The following ENSA variants were observed in gnomAD, a reference collection of about 807,000 sequenced individuals.
ENSA encodes endosulfine alpha, also known as alpha-endosulfine.
ENSA carries 7 observed loss-of-function variants against 16.8 expected under a neutral mutation model. The observed-to-expected ratio is 0.42, with a 90% CI of 0.24 to 0.78. The LOEUF is 0.78. Ranked by LOEUF, ENSA falls within the 30% of genes least tolerant of loss-of-function variation. The pLI is 0.29. For synonymous variants in ENSA, 58 were observed against 53.4 expected (o/e 1.09, Z -0.37); for missense variants, 87 against 142.3 (o/e 0.61, Z 1.98).
At chr1:150,622,099 T>C (rs1301862725), downstream of ENSA, 1 of 152,188 alleles carries the variant, frequency 6.6e-6, no homozygotes, top group African/African-American at 2.4e-5. Context: ...CAAACCCCAA[T>C]AAAACACACC....
chr1:150,624,085 A>G (rs1649144361), intron 3 of ENSA: 8 of 985,444 alleles, frequency 8.1e-6, no homozygotes, highest in Non-Finnish European at 9.6e-6. Context: ...CCTCTCTGTC[A>G]TAACTAGCAA....
intron 2 of ENSA, chr1:150,626,565 A>T (rs1263822716): frequency 2.0e-5 from 31 of 1,574,402 alleles, no homozygotes; most frequent in Admixed American, 6.8e-5. Flanking sequence ...AAATAAAAAA[A>T]TTTTTTTTTG....
Position 150,622,485 on chromosome 1 carries a change from A to C in ENSA, c.*359T>G. On this transcript the variant is annotated 3_prime_UTR_variant, in exon 4 of 4. Transcript: ENST00000369014. ...CCCTCATACCTACCCCACATCAGCC[A>C]CGTGGTTAAGAAGGATAGTCAGGAA... 3.8e-6 allele frequency: 1 copy of C among 263,260 alleles called. No individual in the cohort carries two copies. Among genetic ancestry groups the C allele is most frequent in the Non-Finnish European group, 7.1e-6 (1 of 140,916 alleles). 16.3% of individuals were successfully genotyped at this position (263,260 alleles called of 1,614,324 possible).
rs766798626 is a variant in ENSA, at chr1:150,629,611, G to A, written c.-141C>T. The stretch of plus-strand genomic sequence containing the variant: ...TCAGTCAAAATGGCGGCCCTTGCCC[G>A]TGACGTTGCGACCGCCCCTTCCTAT... On this transcript the variant is annotated 5_prime_UTR_variant, in exon 1 of 4. In the 5' UTR this introduces an upstream ATG that the reference lacks. Transcript: ENST00000369014. 2.0e-6 allele frequency: 2 copies of A among 1,019,034 alleles called. No homozygotes were observed. Among genetic ancestry groups the A allele is most frequent in the Non-Finnish European group, 2.9e-6 (2 of 698,180 alleles). 63.1% of individuals were successfully genotyped at this position (1,019,034 alleles called of 1,614,324 possible). A position where few individuals can be genotyped will look rare whatever the true frequency, so the allele number is the denominator to read the frequency against.
chr1:150,629,192 G>A (rs369514379), intron 1 of ENSA: 1 of 1,605,194 alleles, frequency 6.2e-7, no homozygotes, highest in South Asian at 1.1e-5. Flanking sequence ...TTGAGCGGTA[G>A]GCCTATTGGC....
At chr1:150,625,120 A>G in intron 3 of ENSA, 1 of 985,512 alleles carries the variant, frequency 1.0e-6, no homozygotes, top group Non-Finnish European at 1.2e-6. Context: ...AGTTTTAGGC[A>G]AGCAAGTCAA....
At chr1:150,626,710 C>G (rs960328751) in intron 2 of ENSA, among the ~76,000 whole-genome samples, 5 of 152,200 alleles carry the variant, frequency 3.3e-5, no homozygotes, top group Non-Finnish European at 7.3e-5. Flanking sequence ...GCGCCCGCCA[C>G]CACACCCGGC....
intron 2 of ENSA, chr1:150,627,132 C>T: frequency 7.0e-7 from 1 of 1,437,526 alleles, no homozygotes; most frequent in Non-Finnish European, 9.1e-7. Context: ...ATCTCTAATG[C>T]TTAAAAAGTG....
intron 3 of ENSA, chr1:150,623,829 T>C (rs1353215622): frequency 2.0e-6 from 2 of 985,298 alleles, no homozygotes; most frequent in African/African-American, 3.5e-5. Context: ...GACCAGGGAG[T>C]CCAGGGATCC....
intron 2 of ENSA, chr1:150,627,016 G>A: frequency 1.8e-6 from 2 of 1,122,854 alleles, no homozygotes; most frequent in South Asian, 2.8e-5. Context: ...TTAATGGCTG[G>A]TGCTCACTTC....
At chr1:150,628,426 C>T (rs1484899513) in intron 1 of ENSA, among the ~76,000 whole-genome samples, 1 of 151,496 alleles carries the variant, frequency 6.6e-6, no homozygotes, top group Non-Finnish European at 1.5e-5. Flanking sequence ...CTAGTATTTA[C>T]CCACCAGTTT....
At chr1:150,626,486 T>A (rs1392386863) in intron 2 of ENSA, 1 of 1,613,226 alleles carries the variant, frequency 6.2e-7, no homozygotes, top group South Asian at 1.1e-5. Flanking sequence ...CACCATTTCA[T>A]CCGCACAGAG....
rs745693911 is a variant in ENSA, at chr1:150,625,632, C to T, written c.350+10G>A. On this transcript the variant is annotated intron_variant, in intron 3 of 3. Transcript: ENST00000369014. ...GTTGAGGAAGGGGAGGAGAGGGGGGCTCAGGTTACCCCGCAAGCTTGCTGG... is the reference window on the plus strand; with the variant it reads ...GTTGAGGAAGGGGAGGAGAGGGGGGTTCAGGTTACCCCGCAAGCTTGCTGG... 15 of 1,587,806 alleles carry T rather than the reference C, an allele frequency of 9.4e-6. No individual in the cohort carries two copies. The highest frequency in any genetic ancestry group is 7.0e-5 in the Admixed American group (4 of 56,782).
At position 150,629,399 on chromosome 1, in the gene ENSA, C is replaced by A. The variant is rs753096741; in HGVS notation, c.57+15G>T. 7.9e-5 allele frequency: 127 copies of A among 1,611,810 alleles called. No individual in the cohort carries two copies. The highest frequency in any genetic ancestry group is 1.7e-4 in the Middle Eastern group (1 of 6,048). ...GGTCTCCCCAGCTCGCCCGCCCGCA[C>A]CCCTTCCACTTCACCTGCTTCTCCT... On this transcript the variant is annotated intron_variant, in intron 1 of 3. Transcript: ENST00000369014.
At chr1:150,626,877 C>T (rs1418402530) in intron 2 of ENSA, among the ~76,000 whole-genome samples, 3 of 152,134 alleles carry the variant, frequency 2.0e-5, no homozygotes, top group Non-Finnish European at 2.9e-5. Flanking sequence ...AATATAATCC[C>T]TCAGTCAGCT....
intron 3 of ENSA, among the ~76,000 whole-genome samples, chr1:150,623,060 C>T (rs1423720759): frequency 6.6e-6 from 1 of 152,142 alleles, no homozygotes; most frequent in East Asian, 1.9e-4. Flanking sequence ...TTCCTATCCA[C>T]GAAACAACGT....
Position 150,622,805 on chromosome 1 carries a change from G to C in ENSA, c.*39C>G, listed in dbSNP as rs780752300. On this transcript the variant is annotated 3_prime_UTR_variant, in exon 4 of 4. Coordinates refer to ENST00000369014, the MANE Select transcript of ENSA (RefSeq NM_004436.4). ...GCACAGGACCCGGGTGGGGCAGGGA[G>C]GGGAAGCGTCTCAGGATCTGGCAGA... 5.1e-6 allele frequency: 8 copies of C among 1,560,264 alleles called. No individual in the cohort carries two copies. The highest frequency in any genetic ancestry group is 6.9e-6 in the Non-Finnish European group (8 of 1,152,392).
In ENSA at chr1:150,629,542, G is replaced by A; in HGVS notation, c.-72C>T. 1.3e-6 allele frequency: 2 copies of A among 1,562,618 alleles called. No homozygotes were observed. The highest frequency in any genetic ancestry group is 8.7e-7 in the Non-Finnish European group (1 of 1,149,366). ...GAGAAGGGAAGGGGGAGGGGAAACG[G>A]GGACAACCTGCGCTGCTGCTTCGGC... On this transcript the variant is annotated 5_prime_UTR_variant, in exon 1 of 4. Transcript: ENST00000369014.
At chr1:150,629,321 G>A in intron 1 of ENSA, 93 bp downstream of exon 1, 4 of 1,553,338 alleles carry the variant, frequency 2.6e-6, no homozygotes, top group Non-Finnish European at 3.5e-6. Context: ...TGCGGAGCCT[G>A]AGACCATGGC....
Sources: gnomAD v4.1 joint callset for allele counts (sites outside exome capture counted in the v4.1 genomes callset) on GRCh38, gnomAD v4.1.1 for gene constraint, MANE v1.5 for transcripts, NCBI Gene and HGNC (gene_info 2026-07-23, HGNC 2026-07-21) for gene names.